Variants in COG5 observed in about 807,000 individuals in gnomAD.
COG5 encodes the protein conserved oligomeric Golgi complex subunit 5.
Under a neutral mutation model 110.4 loss-of-function variants are expected in COG5, and 86 were observed. The observed-to-expected ratio is 0.78, with a 90% CI of 0.65 to 0.93. The LOEUF is 0.93. COG5 is among the 40% of genes least tolerant of loss of function. COG5 has a pLI of 0.00. For missense variants in COG5, 1,077 were observed against 987.0 expected (o/e 1.09, Z -1.22); for synonymous variants, 360 against 334.6 (o/e 1.08, Z -0.83).
intron 7 of COG5, among the ~76,000 whole-genome samples, chr7:107,401,215 A>G (rs1200430555): frequency 1.3e-5 from 2 of 152,156 alleles, no homozygotes; most frequent in Non-Finnish European, 2.9e-5. Flanking sequence ...ATTAATTTCC[A>G]TTCAAATTTA....
chr7:107,209,930 A>G lies in COG5; in HGVS notation c.2375+596T>C, dbSNP rs946287041. On this transcript the variant is annotated intron_variant, in intron 21 of 21. Coordinates refer to ENST00000297135, the MANE Select transcript of COG5 (RefSeq NM_006348.5). Reference sequence around the variant, plus strand: ...GTGATGGTGAGAGCAGTTGCAGGGAAGAGTGTTGCTTAATAAGCCATGTAT... The same window carrying G: ...GTGATGGTGAGAGCAGTTGCAGGGAGGAGTGTTGCTTAATAAGCCATGTAT... 4 of 986,622 alleles carry G rather than the reference A, an allele frequency of 4.1e-6. No individual in the cohort carries two copies. The African/African-American group carries it at 5.2e-5, about 13-fold the overall frequency. The allele number at this position is 986,622 out of a possible 1,614,324, so 61.1% of individuals were successfully genotyped here.
intron 7 of COG5, among the ~76,000 whole-genome samples, chr7:107,385,950 T>C (rs1169315592): frequency 6.6e-6 from 1 of 151,460 alleles, no homozygotes; most frequent in Non-Finnish European, 1.5e-5. Context: ...TTTGGAGAAA[T>C]ATCTATTTAA....
intron 10 of COG5, among the ~76,000 whole-genome samples, chr7:107,355,242 A>T (rs1812519785): frequency 6.6e-6 from 1 of 152,190 alleles, no homozygotes; most frequent in South Asian, 2.1e-4. Context: ...AGAATAGCCG[A>T]TCTCCAAAAC....
At chr7:107,467,479 CGCGA>C (rs1387914810) in intron 6 of COG5, among the ~76,000 whole-genome samples, 3 of 152,094 alleles carry the variant, frequency 2.0e-5, no homozygotes, top group Admixed American at 6.5e-5. Flanking sequence ...TCCTCAACCT[CGCGA>C]GGAGCTGGAC....
intron 12 of COG5, among the ~76,000 whole-genome samples, chr7:107,296,603 A>T (rs1246596082): frequency 5.2e-5 from 5 of 96,694 alleles, no homozygotes; most frequent in African/African-American, 8.2e-5. Flanking sequence ...TTTTTTTTTT[A>T]AAGAGAGACA....
At position 107,554,356 on chromosome 7, in the gene COG5, AT is replaced by A. The variant is rs1348359299; in HGVS notation, c.235-15del. On this transcript the variant is annotated splice_polypyrimidine_tract_variant and intron_variant, in intron 2 of 21. Transcript: ENST00000297135. ...TCTTGCAACAACCTGAAAATCAAAA[AT>A]AAATGATTAGCTTTTGCTCTGTTAG... The A allele has an allele frequency of 1.7e-5, 27 of 1,611,430 alleles. No individual in the cohort carries two copies. In the East Asian group the frequency reaches 6.0e-4, roughly 36 times the overall value.
intron 6 of COG5, chr7:107,471,986 A>G (rs1796660159): frequency 6.6e-6 from 1 of 152,082 alleles, no homozygotes; most frequent in Non-Finnish European, 1.5e-5. Flanking sequence ...AAACAGATTT[A>G]CAATGGTAAC....
chr7:107,386,179 G>A (rs372738312), intron 7 of COG5, among the ~76,000 whole-genome samples: 2 of 144,994 alleles, frequency 1.4e-5, no homozygotes, highest in African/African-American at 5.1e-5. Context: ...ATTAACATAG[G>A]AATATAGAGG....
chr7:107,256,716 G>A lies in COG5; in HGVS notation c.1749+16C>T. ...AACCACTTTGATCTATAGAGTCAAA[G>A]ATTAAATTCTTTTACCTTTAGAGCT... On this transcript the variant is annotated intron_variant, in intron 16 of 21. Coordinates refer to ENST00000297135, the MANE Select transcript of COG5 (RefSeq NM_006348.5). 6.3e-7 allele frequency: 1 copy of A among 1,583,390 alleles called. No individual in the cohort carries two copies. Among genetic ancestry groups the A allele is most frequent in the South Asian group, 1.1e-5 (1 of 89,870 alleles).
intron 11 of COG5, among the ~76,000 whole-genome samples, chr7:107,310,452 T>C (rs1047748735): frequency 6.6e-6 from 1 of 152,184 alleles, no homozygotes; most frequent in Admixed American, 6.5e-5. Context: ...ATAAAAACAA[T>C]GTAAACACAA....
chr7:107,409,041 A>C lies in COG5; in HGVS notation c.669+3461T>G, dbSNP rs369219841. ...CTGCAGGCAGGGCAGGAAGCTATAA[A>C]GATTTGGTGTTTACAAAAAGAGATC... On this transcript the variant is annotated intron_variant, in intron 7 of 21. Coordinates refer to ENST00000297135, the MANE Select transcript of COG5 (RefSeq NM_006348.5). Among the ~76,000 whole-genome samples the C allele has an allele frequency of 4.5e-4, 69 of 152,194 alleles. 1 individual carries two copies. Among genetic ancestry groups the C allele is most frequent in the African/African-American group, 1.6e-3 (65 of 41,516 alleles).
chr7:107,411,675 A>G (rs1387120606), intron 7 of COG5, among the ~76,000 whole-genome samples: 1 of 152,162 alleles, frequency 6.6e-6, no homozygotes, highest in Non-Finnish European at 1.5e-5. Context: ...ATTCAGTTAT[A>G]TTTTAAAAAT....
At chr7:107,309,016 G>A (rs979871095) in intron 11 of COG5, among the ~76,000 whole-genome samples, 1 of 151,706 alleles carries the variant, frequency 6.6e-6, no homozygotes, top group Non-Finnish European at 1.5e-5. Context: ...TTTTTAAAAT[G>A]GGAAATCATG....
In COG5 at chr7:107,319,735, A is replaced by G. The variant is rs1009137853; in HGVS notation, c.1108+4705T>C. Among the ~76,000 whole-genome samples, 4 of 152,322 alleles carry G rather than the reference A, an allele frequency of 2.6e-5. No individual in the cohort carries two copies. The South Asian group carries it at 8.3e-4, about 32-fold the overall frequency. On this transcript the variant is annotated intron_variant, in intron 11 of 21. Transcript: ENST00000297135. ...TCAAAATTTACGTGATTTAGGATCCAACACAACTAATCTCTAATTTATTAT... is the reference window on the plus strand; with the variant it reads ...TCAAAATTTACGTGATTTAGGATCCGACACAACTAATCTCTAATTTATTAT...
intron 10 of COG5, among the ~76,000 whole-genome samples, chr7:107,342,981 T>C (rs765826574): frequency 6.6e-6 from 1 of 152,152 alleles, no homozygotes; most frequent in Non-Finnish European, 1.5e-5. Context: ...TGCCCATCAA[T>C]AGTAGATTAG....
chr7:107,238,289 G>A (rs1801353409), intron 17 of COG5, among the ~76,000 whole-genome samples: 1 of 152,120 alleles, frequency 6.6e-6, no homozygotes, highest in African/African-American at 2.4e-5. Context: ...ATAATGTTCT[G>A]TAGGTTCATC....
At chr7:107,404,328 A>T (rs912105370) in intron 7 of COG5, among the ~76,000 whole-genome samples, 1 of 152,228 alleles carries the variant, frequency 6.6e-6, no homozygotes. Context: ...CTGAACATCT[A>T]TTCAGGCTAA....
intron 21 of COG5, among the ~76,000 whole-genome samples, chr7:107,207,654 C>T (rs996902650): frequency 2.6e-5 from 4 of 152,224 alleles, no homozygotes; most frequent in Non-Finnish European, 4.4e-5. Flanking sequence ...ACGAGCCAGG[C>T]GGCTGCCTCT....
At chr7:107,273,660 C>A (rs1804460368) in intron 14 of COG5, among the ~76,000 whole-genome samples, 1 of 152,076 alleles carries the variant, frequency 6.6e-6, no homozygotes, top group Non-Finnish European at 1.5e-5. Flanking sequence ...GAAGTGATAA[C>A]ATGGTAAGTA....
Sources: allele counts gnomAD v4.1 joint callset (sites outside exome capture counted in the v4.1 genomes callset), GRCh38; gene constraint gnomAD v4.1.1; transcripts MANE v1.5; gene names NCBI Gene and HGNC (gene_info 2026-07-23, HGNC 2026-07-21).